ARPP21: variants seen among roughly 807,000 people sequenced by gnomAD.
ARPP21 encodes cAMP-regulated phosphoprotein 21.
Under a neutral mutation model 113.2 loss-of-function variants are expected in ARPP21, and 69 were observed. The observed-to-expected ratio is 0.61, with a 90% CI of 0.50 to 0.74. The LOEUF is 0.74. ARPP21 is among the 30% of genes least tolerant of loss of function. The pLI is 0.00. For missense variants in ARPP21, 1,070 were observed against 1,037.4 expected (o/e 1.03, Z -0.43); for synonymous variants, 368 against 375.5 (o/e 0.98, Z 0.23).
At chr3:35,660,658 A>C (rs1707322735) in intron 1 of ARPP21, among the ~76,000 whole-genome samples, 1 of 152,194 alleles carries the variant, frequency 6.6e-6, no homozygotes, top group Non-Finnish European at 1.5e-5. Context: ...CTTCATTCTC[A>C]AAGTTCACTT....
In ARPP21 at chr3:35,792,111, C is replaced by T. The variant is rs145992582; in HGVS notation, c.2138-271C>T. 1,510 of 304,992 alleles carry T rather than the reference C, an allele frequency of 5.0e-3. 8 individuals carry two copies. Among genetic ancestry groups the T allele is most frequent in the Admixed American group, 0.018 (386 of 21,366 alleles). The allele number at this position is 304,992 out of a possible 1,614,324, so 18.9% of individuals were successfully genotyped here. A position where few individuals can be genotyped will look rare whatever the true frequency, so the allele number is the denominator to read the frequency against. Reference sequence around the variant, plus strand: ...ATCAATAGAGTCTTCTGTTTTTGTGCCATGAATAATTTATCATTGTCACAT... The same window carrying T: ...ATCAATAGAGTCTTCTGTTTTTGTGTCATGAATAATTTATCATTGTCACAT... On this transcript the variant is annotated intron_variant, in intron 19 of 20. Coordinates refer to ENST00000684406, the MANE Select transcript of ARPP21 (RefSeq NM_001385562.1).
chr3:35,742,956 G>A (rs2094766448), intron 18 of ARPP21, among the ~76,000 whole-genome samples: 1 of 152,172 alleles, frequency 6.6e-6, no homozygotes, highest in Non-Finnish European at 1.5e-5. Context: ...ATCAGATCAG[G>A]AAACATTTGA....
chr3:35,762,845 G>A (rs187418146), intron 19 of ARPP21, among the ~76,000 whole-genome samples: 11 of 152,136 alleles, frequency 7.2e-5, no homozygotes, highest in Non-Finnish European at 1.6e-4. Context: ...TCAGACACTA[G>A]AGCCAAGTAA....
At chr3:35,679,570 T>G (rs1376204856) in intron 1 of ARPP21, 1 of 151,740 alleles carries the variant, frequency 6.6e-6, no homozygotes, top group Non-Finnish European at 1.5e-5. Flanking sequence ...TTGTTAATTT[T>G]AGCTCCTTGC....
At chr3:35,765,752 C>A (rs554237199) in intron 19 of ARPP21, among the ~76,000 whole-genome samples, 5 of 152,168 alleles carry the variant, frequency 3.3e-5, no homozygotes, top group African/African-American at 1.2e-4. Flanking sequence ...ATAATTACTA[C>A]ATATAAATAA....
At chr3:35,677,183 C>T (rs917070809) in intron 1 of ARPP21, among the ~76,000 whole-genome samples, 4 of 151,828 alleles carry the variant, frequency 2.6e-5, no homozygotes, top group African/African-American at 9.7e-5. Flanking sequence ...CTTTAATTTC[C>T]CTTTCATCGG....
chr3:35,679,561 T>G (rs1296312378), intron 1 of ARPP21: 1 of 151,560 alleles, frequency 6.6e-6, no homozygotes, highest in African/African-American at 2.4e-5. Context: ...ATAATGCAAT[T>G]GTTAATTTTA....
At chr3:35,723,981 G>A (rs184833727) in intron 14 of ARPP21, among the ~76,000 whole-genome samples, 8 of 152,262 alleles carry the variant, frequency 5.3e-5, no homozygotes, top group Admixed American at 4.6e-4. Flanking sequence ...AACAGCACAA[G>A]TTTTCAGTTT....
chr3:35,642,527 C>A (rs1391567048), intron 1 of ARPP21: 3 of 152,034 alleles, frequency 2.0e-5, no homozygotes, highest in Admixed American at 6.6e-5. Context: ...TTTTCGTAAA[C>A]CTCTTCACTA....
chr3:35,698,035 C>T (rs1396016349), intron 9 of ARPP21, among the ~76,000 whole-genome samples: 7 of 151,502 alleles, frequency 4.6e-5, no homozygotes, highest in Non-Finnish European at 8.9e-5. Context: ...GCACTTTTTA[C>T]AGGAATGGCA....
intron 10 of ARPP21, 72 bp from the exon 11 acceptor site, chr3:35,708,897 T>C: frequency 1.0e-6 from 1 of 958,856 alleles, no homozygotes; most frequent in Non-Finnish European, 1.6e-6. Context: ...TATTCTTAGC[T>C]GACAGTTGCT....
chr3:35,774,510 C>A (rs769638175), intron 19 of ARPP21, among the ~76,000 whole-genome samples: 6 of 152,100 alleles, frequency 3.9e-5, no homozygotes, highest in Non-Finnish European at 7.4e-5. Flanking sequence ...TCTTCTACCC[C>A]CTTTTAAATA....
intron 19 of ARPP21, among the ~76,000 whole-genome samples, chr3:35,748,239 AAAAGAAAG>A (rs1381118737): frequency 6.8e-6 from 1 of 146,436 alleles, no homozygotes; most frequent in Non-Finnish European, 1.5e-5. Context: ...GGAAGGAAGG[AAAAGAAAG>A]AAAGAAAGAG....
chr3:35,653,201 T>A (rs1157816956), intron 1 of ARPP21, among the ~76,000 whole-genome samples: 1 of 152,070 alleles, frequency 6.6e-6, no homozygotes, highest in Non-Finnish European at 1.5e-5. Flanking sequence ...CCTATCTACT[T>A]TTTGGCTGTA....
chr3:35,789,388 A>G (rs2096700246), intron 19 of ARPP21, among the ~76,000 whole-genome samples: 1 of 152,248 alleles, frequency 6.6e-6, no homozygotes, highest in Non-Finnish European at 1.5e-5. Flanking sequence ...CTTCTGTGAC[A>G]TAATTTAAAG....
intron 11 of ARPP21, among the ~76,000 whole-genome samples, chr3:35,712,081 G>C (rs2091300723): frequency 6.6e-6 from 1 of 152,080 alleles, no homozygotes; most frequent in African/African-American, 2.4e-5. Flanking sequence ...CACACTTTAG[G>C]GGACCCTCAT....
At chr3:35,760,625 G>A (rs1420213634) in intron 19 of ARPP21, among the ~76,000 whole-genome samples, 2 of 152,022 alleles carry the variant, frequency 1.3e-5, no homozygotes, top group Non-Finnish European at 2.9e-5. Context: ...CAGGACTGTA[G>A]TATGTGCATG....
chr3:35,737,808 C>T lies in ARPP21; in HGVS notation c.1645-406C>T, dbSNP rs368794732. ...TTCCAGGGAGGACTGGCTGTTCCTA[C>T]ATACTCCTCTTAGAGAGATGCGGAG... On this transcript the variant is annotated intron_variant, in intron 16 of 20. Coordinates refer to ENST00000684406, the MANE Select transcript of ARPP21 (RefSeq NM_001385562.1). Among the ~76,000 whole-genome samples the T allele has an allele frequency of 2.6e-5, 4 of 152,318 alleles. No homozygotes were observed. The East Asian group carries it at 5.8e-4, about 22-fold the overall frequency.
rs765257133 is a variant in ARPP21, at chr3:35,794,294, G to C, written c.*336G>C. 1 of 270,986 alleles carries C rather than the reference G, an allele frequency of 3.7e-6. No individual in the cohort carries two copies. Among genetic ancestry groups the C allele is most frequent in the African/African-American group, 2.2e-5 (1 of 46,324 alleles). The allele number at this position is 270,986 out of a possible 1,614,324, so 16.8% of individuals were successfully genotyped here. On this transcript the variant is annotated 3_prime_UTR_variant, in exon 21 of 21. Coordinates refer to ENST00000684406, the MANE Select transcript of ARPP21 (RefSeq NM_001385562.1). ...TTGTGTTGAGTTTGTGATGCTAAAA[G>C]TATTTAAAAATTATATACTAAATCA...
Sources: allele counts gnomAD v4.1 joint callset (sites outside exome capture counted in the v4.1 genomes callset), GRCh38; gene constraint gnomAD v4.1.1; transcripts MANE v1.5; gene names NCBI Gene and HGNC (gene_info 2026-07-23, HGNC 2026-07-21).